Variants in PRKD1 observed in about 807,000 individuals in gnomAD.
PRKD1 encodes protein kinase D1.
PRKD1 carries 63 observed loss-of-function variants against 95.9 expected under a neutral mutation model. The ratio of observed to expected loss-of-function variants is 0.66; its 90% CI spans 0.54 to 0.81. The LOEUF (loss-of-function observed/expected upper bound fraction) is 0.81. Ranked by LOEUF, PRKD1 falls within the 30% of genes least tolerant of loss-of-function variation. The probability of loss-of-function intolerance (pLI) is 0.00; values close to 1 mark genes in which losing one functional copy is unlikely to be tolerated. For synonymous variants in PRKD1, 425 were observed against 423.1 expected, an observed-to-expected ratio of 1.00 and a Z score of -0.05; for missense variants, 1,048 against 1,165.3, an observed-to-expected ratio of 0.90 and a Z score of 1.47.
intron 12 of PRKD1, among the ~76,000 whole-genome samples, chr14:29,624,815 TG>T (rs1448987120): frequency 2.6e-5 from 4 of 152,150 alleles, no homozygotes; most frequent in African/African-American, 9.6e-5. Flanking sequence ...CACTCAAAAA[TG>T]GTTAGTTATC....
At chr14:29,756,568 C>T (rs1840562620) in intron 1 of PRKD1, among the ~76,000 whole-genome samples, 1 of 152,164 alleles carries the variant, frequency 6.6e-6, no homozygotes, top group African/African-American at 2.4e-5. Flanking sequence ...GACAAAACTC[C>T]CACCAGAAAC....
intron 4 of PRKD1, among the ~76,000 whole-genome samples, chr14:29,655,937 A>G (rs1049515179): frequency 6.7e-6 from 1 of 150,122 alleles, no homozygotes; most frequent in Non-Finnish European, 1.5e-5. Context: ...ATATATATAT[A>G]TTAAAAAAAG....
intron 9 of PRKD1, among the ~76,000 whole-genome samples, chr14:29,631,411 T>G (rs1879997830): frequency 6.6e-6 from 1 of 152,194 alleles, no homozygotes; most frequent in African/African-American, 2.4e-5. Context: ...TTTAACCTAT[T>G]CTTTAAGGCA....
intron 1 of PRKD1, among the ~76,000 whole-genome samples, chr14:29,910,821 C>T (rs1894682564): frequency 6.6e-6 from 1 of 152,200 alleles, no homozygotes; most frequent in Non-Finnish European, 1.5e-5. Flanking sequence ...ATACTTGTCA[C>T]AAAAATCCAA....
intron 1 of PRKD1, among the ~76,000 whole-genome samples, chr14:29,878,064 T>C (rs1893365441): frequency 6.6e-6 from 1 of 152,078 alleles, no homozygotes; most frequent in Non-Finnish European, 1.5e-5. Context: ...AACCAAATAC[T>C]TCATGTTCTC....
At chr14:29,622,911 C>T (rs1041009620) in intron 13 of PRKD1, among the ~76,000 whole-genome samples, 13 of 152,166 alleles carry the variant, frequency 8.5e-5, no homozygotes, top group East Asian at 5.8e-4. Flanking sequence ...ATCTCCTGTA[C>T]GCATGCTAAC....
intron 2 of PRKD1, among the ~76,000 whole-genome samples, chr14:29,709,015 T>C (rs771162404): frequency 6.6e-6 from 1 of 152,200 alleles, no homozygotes; most frequent in Non-Finnish European, 1.5e-5. Flanking sequence ...TTCTTCAATA[T>C]GTACTGCATG....
intron 2 of PRKD1, among the ~76,000 whole-genome samples, chr14:29,704,786 T>C (rs947269287): frequency 2.2e-4 from 33 of 152,180 alleles, no homozygotes; most frequent in African/African-American, 6.5e-4. Context: ...AGTTATTTTT[T>C]TCTCATTTTT....
chr14:29,683,767 C>A lies in PRKD1; in HGVS notation c.404-17559G>T, dbSNP rs1883679093. ...CATGGCTACACAGTGAAAATGCAGGCCCTATGTTAAACACTTTATATGTTA... is the reference window on the plus strand; with the variant it reads ...CATGGCTACACAGTGAAAATGCAGGACCTATGTTAAACACTTTATATGTTA... On this transcript the variant is annotated intron_variant, in intron 2 of 17. Coordinates refer to ENST00000331968, the MANE Select transcript of PRKD1 (RefSeq NM_002742.3). Among the ~76,000 whole-genome samples the A allele has an allele frequency of 2.6e-5, 4 of 152,206 alleles. No individual in the cohort carries two copies. The South Asian group carries it at 8.3e-4, about 32-fold the overall frequency.
intron 1 of PRKD1, among the ~76,000 whole-genome samples, chr14:29,746,781 A>G (rs1887242928): frequency 6.6e-6 from 1 of 152,192 alleles, no homozygotes; most frequent in Admixed American, 6.5e-5. Flanking sequence ...AAAGCAGCCT[A>G]TTTTGATACC....
intron 2 of PRKD1, among the ~76,000 whole-genome samples, chr14:29,676,183 G>GTTTTTTTTTTTT (rs34953735): frequency 4.4e-5 from 3 of 67,448 alleles, no homozygotes; most frequent in African/African-American, 7.2e-5. Flanking sequence ...TTACGTTTTT[G>GTTTTTTTTTTTT]TTTTTTTTTT....
At chr14:29,756,094 CATATGCATTT>C (rs1217816667) in intron 1 of PRKD1, among the ~76,000 whole-genome samples, 1 of 152,088 alleles carries the variant, frequency 6.6e-6, no homozygotes, top group Non-Finnish European at 1.5e-5. Context: ...TAAGGTTATA[CATATGCATTT>C]TTCCTCTAGT....
intron 2 of PRKD1, among the ~76,000 whole-genome samples, chr14:29,668,425 C>T (rs1460472970): frequency 1.3e-5 from 2 of 152,148 alleles, no homozygotes; most frequent in African/African-American, 4.8e-5. Flanking sequence ...GGGCAACAAA[C>T]TAAACACAAT....
At chr14:29,739,367 CT>C (rs45590838) in intron 1 of PRKD1, among the ~76,000 whole-genome samples, 6 of 151,254 alleles carry the variant, frequency 4.0e-5, no homozygotes, top group Non-Finnish European at 7.4e-5. Context: ...TTAGACCTCT[CT>C]TTTTTTTTAG....
In PRKD1 at chr14:29,725,574, T is replaced by A; in HGVS notation, c.365A>T (p.Asp122Val). The A allele has an allele frequency of 6.2e-7, 1 of 1,613,798 alleles. No individual in the cohort carries two copies. Among genetic ancestry groups the A allele is most frequent in the Non-Finnish European group, 8.5e-7 (1 of 1,179,778 alleles). Residue 122 changes from aspartate to valine, a missense_variant, in exon 2 of 18, where the codon GAT becomes GTT. Physicochemically the swap from Asp to Val is radical, Grantham distance 152 (BLOSUM62 -3). Coordinates refer to ENST00000331968, the MANE Select transcript of PRKD1 (RefSeq NM_002742.3). ...TTCAATAAGATCGCCTTCCTGGATA[T>A]CACTGGCCGCTTTCACCAGCTGAAG... ...NILQLVKAAS[D>V]IQEGDLIEVV... is the part of the protein sequence containing the mutation.
intron 1 of PRKD1, among the ~76,000 whole-genome samples, chr14:29,924,336 C>A (rs1895223893): frequency 1.3e-5 from 2 of 152,058 alleles, no homozygotes; most frequent in African/African-American, 4.8e-5. Flanking sequence ...GTTTCAAGTA[C>A]AATCGTGTCT....
intron 16 of PRKD1, among the ~76,000 whole-genome samples, chr14:29,578,569 A>AG (rs1892647622): frequency 1.3e-5 from 2 of 148,546 alleles, no homozygotes; most frequent in East Asian, 2.0e-4. Context: ...AAAAAAAAAA[A>AG]AAGAAGAAGT....
chr14:29,676,171 C>A, intron 2 of PRKD1, among the ~76,000 whole-genome samples: 3 of 76,218 alleles, frequency 3.9e-5, no homozygotes, highest in African/African-American at 6.7e-5. Context: ...ATGCATAGTT[C>A]ATTACGTTTT....
At chr14:29,703,133 C>T (rs1884921121) in intron 2 of PRKD1, among the ~76,000 whole-genome samples, 1 of 152,026 alleles carries the variant, frequency 6.6e-6, no homozygotes, top group African/African-American at 2.4e-5. Context: ...CTCTCAGTTA[C>T]CTCATCAATA....
Sources: gnomAD v4.1 joint callset for allele counts (sites outside exome capture counted in the v4.1 genomes callset) on GRCh38, gnomAD v4.1.1 for gene constraint, MANE v1.5 for transcripts, NCBI Gene and HGNC (gene_info 2026-07-23, HGNC 2026-07-21) for gene names.